Variants in STAT1 observed in about 807,000 individuals in gnomAD.
The protein encoded by STAT1 is signal transducer and activator of transcription 1.
Under a neutral mutation model 111.7 loss-of-function variants are expected in STAT1, and 24 were observed. The observed-to-expected ratio is 0.21, with a 90% CI of 0.16 to 0.30. The LOEUF is 0.30. Ranked by LOEUF, STAT1 falls within the 10% of genes least tolerant of loss-of-function variation. The pLI is 1.00. For missense variants in STAT1, 351 were observed against 911.9 expected, an observed-to-expected ratio of 0.38 and a Z score of 7.92; for synonymous variants, 332 against 326.5, an observed-to-expected ratio of 1.02 and a Z score of -0.18.
In STAT1 at chr2:190,989,821, C is replaced by A. The variant is rs1363198855; in HGVS notation, c.1038-147G>T. The A allele has an allele frequency of 1.6e-6, 1 of 631,152 alleles. No individual in the cohort carries two copies. 39.1% of individuals were successfully genotyped at this position (631,152 alleles called of 1,614,324 possible). A position where few individuals can be genotyped will look rare whatever the true frequency, so the allele number is the denominator to read the frequency against. ...CAAAAAAACTGACAGTTTTGTAGAT[C>A]TACTTAAATTTTTGTAAGTGTATTT... is the stretch of plus-strand genomic sequence containing the variant. On this transcript the variant is annotated intron_variant, in intron 11 of 24. Coordinates refer to ENST00000361099, the MANE Select transcript of STAT1 (RefSeq NM_007315.4). This position sits in a 1 kb window ranked among gnomAD's most constrained non-coding sequence, Gnocchi z 5.0.
chr2:190,995,010 C>A lies in STAT1; in HGVS notation c.944+51G>T. 1.9e-6 allele frequency: 3 copies of A among 1,558,188 alleles called. No individual in the cohort carries two copies. Among genetic ancestry groups the A allele is most frequent in the Non-Finnish European group, 1.8e-6 (2 of 1,135,964 alleles). ...TCATCTGAATTAACGGTAAAATGTT[C>A]CTCTGTATAGACCGATTACAGAAGG... On this transcript the variant is annotated intron_variant, in intron 10 of 24. Coordinates refer to ENST00000361099, the MANE Select transcript of STAT1 (RefSeq NM_007315.4). This position sits in a 1 kb window ranked among gnomAD's most constrained non-coding sequence, Gnocchi z 4.2.
chr2:190,997,811 T>C lies in STAT1; in HGVS notation c.785+45A>G. 6.2e-7 allele frequency: 1 copy of C among 1,613,512 alleles called. No homozygotes were observed. Among genetic ancestry groups the C allele is most frequent in the Non-Finnish European group, 8.5e-7 (1 of 1,179,978 alleles). Reference sequence around the variant, plus strand: ...TCAAAGGTACATTTATGTGTTTATGTGGTTAGCCAGTCAGCTGCCAGTTTT... The same window carrying C: ...TCAAAGGTACATTTATGTGTTTATGCGGTTAGCCAGTCAGCTGCCAGTTTT... On this transcript the variant is annotated intron_variant, in intron 9 of 24. Coordinates refer to ENST00000361099, the MANE Select transcript of STAT1 (RefSeq NM_007315.4). The surrounding 1 kb of genome is among the most constrained non-coding windows in gnomAD (Gnocchi z 7.3).
At position 190,971,817 on chromosome 2, in the gene STAT1, A is replaced by C. The variant is rs893666509; in HGVS notation, c.2239-1100T>G. Among the ~76,000 whole-genome samples the C allele has an allele frequency of 9.2e-5, 14 of 151,752 alleles. No individual in the cohort carries two copies. The highest frequency in any genetic ancestry group is 2.1e-4 in the Non-Finnish European group (14 of 67,964). On this transcript the variant is annotated intron_variant, in intron 24 of 24. Transcript: ENST00000361099. This position sits in a 1 kb window ranked among gnomAD's most constrained non-coding sequence, Gnocchi z 4.1. ...AACCTCCACCTTCCAGGTTCAAGCG[A>C]TCCTCCTGCCTCAGCCCCCCTAGTA...
rs1694483914 is a variant in STAT1, at chr2:191,003,962, C to T, written c.373-2799G>A. 6.6e-6 allele frequency among the ~76,000 whole-genome samples: 1 copy of T among 152,188 alleles called. No homozygotes were observed. The highest frequency in any genetic ancestry group is 1.5e-5 in the Non-Finnish European group (1 of 68,036). On this transcript the variant is annotated intron_variant, in intron 5 of 24. Transcript: ENST00000361099. The surrounding 1 kb of genome is among the most constrained non-coding windows in gnomAD (Gnocchi z 4.0). ...AGGGATATAAACAATGGCTGTAAAA[C>T]AGCAGCTACATCCCCAGCTTCTACA...
In STAT1 at chr2:191,006,361, T is replaced by C. The variant is rs965400648; in HGVS notation, c.372+1202A>G. On this transcript the variant is annotated intron_variant, in intron 5 of 24. Coordinates refer to ENST00000361099, the MANE Select transcript of STAT1 (RefSeq NM_007315.4). The surrounding 1 kb of genome is among the most constrained non-coding windows in gnomAD (Gnocchi z 4.6). Reference sequence around the variant, plus strand: ...CTGGGTACCAGATGAGCTAGCCAGCTTGAGTTTAGAATAAGCAATATGTAT... The same window carrying C: ...CTGGGTACCAGATGAGCTAGCCAGCCTGAGTTTAGAATAAGCAATATGTAT... 1.3e-5 allele frequency among the ~76,000 whole-genome samples: 2 copies of C among 152,214 alleles called. No homozygotes were observed. Among genetic ancestry groups the C allele is most frequent in the Non-Finnish European group, 1.5e-5 (1 of 68,038 alleles).
At position 191,006,474 on chromosome 2, in the gene STAT1, T is replaced by G. The variant is rs1171747582; in HGVS notation, c.372+1089A>C. 6.6e-6 allele frequency among the ~76,000 whole-genome samples: 1 copy of G among 152,226 alleles called. No homozygotes were observed. The highest frequency in any genetic ancestry group is 2.4e-5 in the African/African-American group (1 of 41,458). On this transcript the variant is annotated intron_variant, in intron 5 of 24. Coordinates refer to ENST00000361099, the MANE Select transcript of STAT1 (RefSeq NM_007315.4). This position sits in a 1 kb window ranked among gnomAD's most constrained non-coding sequence, Gnocchi z 4.6. ...AGGGAAGTGACAGGATTACAAGGACTGGGACAAATGCTCAGGCAGTGTGTG... is the reference window on the plus strand; with the variant it reads ...AGGGAAGTGACAGGATTACAAGGACGGGGACAAATGCTCAGGCAGTGTGTG...
rs1298371523 is a variant in STAT1 at position 190,984,687 on chromosome 2, T to C, written c.1264-294A>G. Among the ~76,000 whole-genome samples the C allele has an allele frequency of 1.3e-5, 2 of 152,180 alleles. No homozygotes were observed. The highest frequency in any genetic ancestry group is 2.9e-5 in the Non-Finnish European group (2 of 68,034). On this transcript the variant is annotated intron_variant, in intron 15 of 24. Coordinates refer to ENST00000361099, the MANE Select transcript of STAT1 (RefSeq NM_007315.4). This position sits in a 1 kb window ranked among gnomAD's most constrained non-coding sequence, Gnocchi z 5.2. ...TAAGGCTTCTCGACCCTCAGCTCTG[T>C]CTGCCTGCCCAGTGTGGCTGCACAT...
intron 5 of STAT1, 97 bp from the exon 6 acceptor site, chr2:191,001,260 C>T (rs1694247749): frequency 2.2e-6 from 2 of 921,672 alleles, no homozygotes; most frequent in Non-Finnish European, 3.6e-6. Flanking sequence ...CCTTCCAGAT[C>T]TTCTGACATG....
chr2:190,994,085 G>C (rs1693617312), intron 10 of STAT1, among the ~76,000 whole-genome samples: 5 of 152,228 alleles, frequency 3.3e-5, no homozygotes, highest in Admixed American at 3.3e-4. Context: ...TAAATGATGA[G>C]ATACAAGGTG....
chr2:190,986,287 C>T lies in STAT1; in HGVS notation c.1221+567G>A, dbSNP rs2125032144. On this transcript the variant is annotated intron_variant, in intron 14 of 24. Coordinates refer to ENST00000361099, the MANE Select transcript of STAT1 (RefSeq NM_007315.4). The surrounding 1 kb of genome is among the most constrained non-coding windows in gnomAD (Gnocchi z 5.0). ...GCTTCGGACTCAGCACCCACAGAGC[C>T]TCACAGCAACTGGCAGCCCCCATGT... is the stretch of plus-strand genomic sequence containing the variant. 6.6e-6 allele frequency among the ~76,000 whole-genome samples: 1 copy of T among 152,330 alleles called. No homozygotes were observed. The highest frequency in any genetic ancestry group is 1.9e-4 in the East Asian group (1 of 5,186).
rs1198294071 is a variant in STAT1 at position 190,971,741 on chromosome 2, C to G, written c.2239-1024G>C. On this transcript the variant is annotated intron_variant, in intron 24 of 24. Transcript: ENST00000361099. The surrounding 1 kb of genome is among the most constrained non-coding windows in gnomAD (Gnocchi z 4.1). ...TTTTTTTTCAAATTGGAGACGGAGT[C>G]TTCCTCTGTTGCCCAGACTGGAGTG... Among the ~76,000 whole-genome samples the G allele has an allele frequency of 6.6e-6, 1 of 151,282 alleles. No homozygotes were observed. The highest frequency in any genetic ancestry group is 1.5e-5 in the Non-Finnish European group (1 of 67,890).
rs921895930 is a variant in STAT1, at chr2:190,989,538, G to A, written c.1097+77C>T. 36 of 990,992 alleles carry A rather than the reference G, an allele frequency of 3.6e-5. No individual in the cohort carries two copies. The East Asian group carries it at 9.0e-4, about 25-fold the overall frequency. 61.4% of individuals were successfully genotyped at this position (990,992 alleles called of 1,614,324 possible). ...ACAGCTAGAAATCTGCTTATTTAGT[G>A]GAGGAATCTGTGCTTGAGTAACAAA... is the stretch of plus-strand genomic sequence containing the variant. On this transcript the variant is annotated intron_variant, in intron 12 of 24. Coordinates refer to ENST00000361099, the MANE Select transcript of STAT1 (RefSeq NM_007315.4). This position sits in a 1 kb window ranked among gnomAD's most constrained non-coding sequence, Gnocchi z 5.0.
rs1317155842 is a variant in STAT1, at chr2:191,004,938, CACAAAGAAAAAA to C, written c.372+2613_372+2624del. Among the ~76,000 whole-genome samples the C allele has an allele frequency of 6.6e-6, 1 of 151,730 alleles. No homozygotes were observed. Among genetic ancestry groups the C allele is most frequent in the East Asian group, 1.9e-4 (1 of 5,182 alleles). On this transcript the variant is annotated intron_variant, in intron 5 of 24. Transcript: ENST00000361099. The surrounding 1 kb of genome is among the most constrained non-coding windows in gnomAD (Gnocchi z 5.0). ...CTAGACATGCAACTAGCTTTTTCACCACAAAGAAAAAAAGAAAGAAAAAAACTTAGTGTGCTG... is the reference window on the plus strand; with the variant it reads ...CTAGACATGCAACTAGCTTTTTCACCAGAAAGAAAAAAACTTAGTGTGCTG...
At position 190,979,111 on chromosome 2, in the gene STAT1, G is replaced by A. The variant is rs546180422; in HGVS notation, c.1728-110C>T. On this transcript the variant is annotated intron_variant, in intron 20 of 24. Transcript: ENST00000361099. This position sits in a 1 kb window ranked among gnomAD's most constrained non-coding sequence, Gnocchi z 5.8. ...CTGGAATGTGAGAAAAAAAACCTAC[G>A]GTAAAAAACGTAGACTATTTTAAAA... The A allele has an allele frequency of 1.4e-4, 188 of 1,378,526 alleles. 3 individuals carry two copies. In the South Asian group the frequency reaches 1.9e-3, roughly 14 times the overall value. 85.4% of individuals were successfully genotyped at this position (1,378,526 alleles called of 1,614,324 possible). A position where few individuals can be genotyped will look rare whatever the true frequency, so the allele number is the denominator to read the frequency against.
chr2:190,984,383 A>G lies in STAT1; in HGVS notation c.1274T>C (p.Ile425Thr). ...AGTRTNEGPL[I>T]VTEELHSLSF... ...AAGGGAGTGAAGCTCTTCAGTAACG[A>G]TGAGAGGACCCTTGGAAGAGAAAAG... The change falls in exon 16 of 25, where the codon ATC (isoleucine) becomes ACC (threonine). Residue 425 changes from isoleucine to threonine, a missense_variant. Ile to Thr is a moderately conservative substitution (Grantham distance 89). Transcript: ENST00000361099. This position sits in a 1 kb window ranked among gnomAD's most constrained non-coding sequence, Gnocchi z 5.2. 1 of 1,613,812 alleles carries G rather than the reference A, an allele frequency of 6.2e-7. No homozygotes were observed. Among genetic ancestry groups the G allele is most frequent in the Non-Finnish European group, 8.5e-7 (1 of 1,179,674 alleles).
rs1234645417 is a variant in STAT1, at chr2:190,993,706, C to T, written c.944+1355G>A. 7.6e-6 allele frequency: 3 copies of T among 394,744 alleles called. No homozygotes were observed. In the East Asian group the frequency reaches 1.7e-4, roughly 23 times the overall value. The allele number at this position is 394,744 out of a possible 1,614,324, so 24.5% of individuals were successfully genotyped here. ...GTAAATGTCTTCCCCGACTCTGCCC[C>T]CTGGAACGCAATCAGCAGCCGCTGC... On this transcript the variant is annotated intron_variant, in intron 10 of 24. Transcript: ENST00000361099. This position sits in a 1 kb window ranked among gnomAD's most constrained non-coding sequence, Gnocchi z 4.1.
In STAT1 at chr2:190,975,534, C is replaced by G; in HGVS notation, c.2135+278G>C. 1 of 1,307,082 alleles carries G rather than the reference C, an allele frequency of 7.7e-7. No individual in the cohort carries two copies. Among genetic ancestry groups the G allele is most frequent in the Non-Finnish European group, 1.0e-6 (1 of 989,394 alleles). 81.0% of individuals were successfully genotyped at this position (1,307,082 alleles called of 1,614,324 possible). A position where few individuals can be genotyped will look rare whatever the true frequency, so the allele number is the denominator to read the frequency against. On this transcript the variant is annotated intron_variant, in intron 23 of 24. Coordinates refer to ENST00000361099, the MANE Select transcript of STAT1 (RefSeq NM_007315.4). The surrounding 1 kb of genome is among the most constrained non-coding windows in gnomAD (Gnocchi z 5.9). ...GATTGAAAAGAACTACTTTCCCACT[C>G]TGATCAACTTTTGCTCATTTTATTT...
rs752899325 is a variant in STAT1 at position 190,998,029 on chromosome 2, A to G, written c.634-22T>C. 9 of 1,613,208 alleles carry G rather than the reference A, an allele frequency of 5.6e-6. No homozygotes were observed. The Admixed American group carries it at 1.5e-4, about 27-fold the overall frequency. ...CTTCCTAAAGGCAATAGAAGAAACA[A>G]AGTGAAATAAATTCATTTTTAATCA... On this transcript the variant is annotated intron_variant, in intron 8 of 24. Transcript: ENST00000361099. This position sits in a 1 kb window ranked among gnomAD's most constrained non-coding sequence, Gnocchi z 4.1.
rs1695367380 is a variant in STAT1, at chr2:191,014,165, G to A, written c.-303C>T. 6.5e-6 allele frequency: 1 copy of A among 153,138 alleles called. No individual in the cohort carries two copies. Among genetic ancestry groups the A allele is most frequent in the Non-Finnish European group, 1.5e-5 (1 of 68,684 alleles). 9.5% of individuals were successfully genotyped at this position (153,138 alleles called of 1,614,324 possible). On this transcript the variant is annotated 5_prime_UTR_variant, in exon 1 of 25. Coordinates refer to ENST00000361099, the MANE Select transcript of STAT1 (RefSeq NM_007315.4). ...CCCTCCGCAGACTCTGCGCAGGAAA[G>A]CGAAACTACCCGGCAGGAGAAAAGG...
Sources: gnomAD v4.1 joint callset for allele counts (sites outside exome capture counted in the v4.1 genomes callset) on GRCh38, gnomAD v4.1.1 for gene constraint, Gnocchi (gnomAD v3.1) non-coding constraint, MANE v1.5 for transcripts, NCBI Gene and HGNC (gene_info 2026-07-23, HGNC 2026-07-21) for gene names.